Variants in CFAP73 observed in about 807,000 individuals in gnomAD.
CFAP73 encodes cilia and flagella associated protein 73, also known as cilia- and flagella-associated protein 73.
Under a neutral mutation model 42.9 loss-of-function variants are expected in CFAP73, and 33 were observed. The observed-to-expected ratio is 0.77, with a 90% CI of 0.58 to 1.03. The LOEUF is 1.03. Among genes scored for constraint, CFAP73 ranks in the 50% least tolerant of loss-of-function variants. CFAP73 has a pLI of 0.00. For synonymous variants in CFAP73, 162 were observed against 186.8 expected, an observed-to-expected ratio of 0.87 and a Z score of 1.08; for missense variants, 392 against 411.9, an observed-to-expected ratio of 0.95 and a Z score of 0.42.
chr12:113,154,487 AGCGCGAGCAGCTCGCGGAGCTGGAGGCG>A lies in CFAP73; in HGVS notation c.551_578del (p.Gln184ArgfsTer69). 1 of 1,538,328 alleles carries A rather than the reference AGCGCGAGCAGCTCGCGGAGCTGGAGGCG, an allele frequency of 6.5e-7. No individual in the cohort carries two copies. The highest frequency in any genetic ancestry group is 2.5e-5 in the East Asian group (1 of 39,720). ...ACGCAGGCGGCGCTGAGGCTCAGGG[AGCGCGAGCAGCTCGCGGAGCTGGAGGCG>A]GCGCGAGCGCGGCTGCAGCAGCTGC... On this transcript the variant is annotated frameshift_variant, in exon 5 of 8. Transcript: ENST00000335621. LOFTEE classifies it high-confidence loss of function. The surrounding 1 kb of genome is among the most constrained non-coding windows in gnomAD (Gnocchi z 4.7).
chr12:113,149,958 A>G, intron 1 of CFAP73, 45 bp downstream of exon 1: 1 of 1,532,770 alleles, frequency 6.5e-7, no homozygotes, highest in African/African-American at 1.4e-5. Context: ...GAGGGCGGGA[A>G]TGCGTGGGCT....
chr12:113,152,740 C>A, intron 2 of CFAP73, 43 bp from the exon 3 acceptor site: 1 of 1,414,682 alleles, frequency 7.1e-7, no homozygotes, highest in Non-Finnish European at 9.8e-7. Flanking sequence ...TGGGAGGACC[C>A]GGACCCCCGA....
chr12:113,155,251 G>A lies in CFAP73; in HGVS notation c.691-9G>A, dbSNP rs1216842826. On this transcript the variant is annotated splice_polypyrimidine_tract_variant and intron_variant, in intron 5 of 7. Transcript: ENST00000335621. ...TGCCATAATTGGGAGTGGGGCGGGT[G>A]TTCTCCAGGAATCCAAGTGGATTCA... 1 of 1,524,364 alleles carries A rather than the reference G, an allele frequency of 6.6e-7. No individual in the cohort carries two copies. The highest frequency in any genetic ancestry group is 2.0e-5 in the Admixed American group (1 of 49,964). The allele number at this position is 1,524,364 out of a possible 1,614,324, so 94.4% of individuals were successfully genotyped here. A position where few individuals can be genotyped will look rare whatever the true frequency, so the allele number is the denominator to read the frequency against.
At chr12:113,152,691 G>C (rs1375713267) in intron 2 of CFAP73, 92 bp from the exon 3 acceptor site, 3 of 878,232 alleles carry the variant, frequency 3.4e-6, no homozygotes, top group East Asian at 2.7e-5. Flanking sequence ...ACAGATCAGG[G>C]ACAACAGGTG....
In CFAP73 at chr12:113,158,930, C is replaced by T. The variant is rs201483723; in HGVS notation, c.*241C>T. On this transcript the variant is annotated 3_prime_UTR_variant, in exon 8 of 8. Coordinates refer to ENST00000335621, the MANE Select transcript of CFAP73 (RefSeq NM_001144872.3). This position sits in a 1 kb window ranked among gnomAD's most constrained non-coding sequence, Gnocchi z 4.9. ...TTGGAGCGGGCACCCCGGCCGAAGGCGCCCTGCTGCAGCTCCTGGACGCGG... is the reference window on the plus strand; with the variant it reads ...TTGGAGCGGGCACCCCGGCCGAAGGTGCCCTGCTGCAGCTCCTGGACGCGG... The T allele has an allele frequency of 2.5e-6, 4 of 1,609,722 alleles. No homozygotes were observed. Among genetic ancestry groups the T allele is most frequent in the East Asian group, 2.2e-5 (1 of 44,726 alleles).
chr12:113,157,160 C>T (rs1156886089), intron 6 of CFAP73: 1 of 158,576 alleles, frequency 6.3e-6, no homozygotes, highest in African/African-American at 2.4e-5. Context: ...GTTGTAAGTT[C>T]ACCCTCAAGT....
chr12:113,151,793 C>CA (rs377474143), intron 1 of CFAP73, 125 bp from the exon 2 acceptor site: 71,415 of 450,728 alleles, frequency 0.16, 39 homozygotes, highest in Middle Eastern at 0.18. Context: ...AAACAAGTCT[C>CA]AAAAAAAAAA....
rs1369464754 is a variant in CFAP73, at chr12:113,159,200, T to G, written c.*511T>G. The G allele has an allele frequency of 4.4e-6, 6 of 1,359,288 alleles. No individual in the cohort carries two copies. In the South Asian group the frequency reaches 5.4e-5, roughly 12 times the overall value. 84.2% of individuals were successfully genotyped at this position (1,359,288 alleles called of 1,614,324 possible). On this transcript the variant is annotated 3_prime_UTR_variant, in exon 8 of 8. Coordinates refer to ENST00000335621, the MANE Select transcript of CFAP73 (RefSeq NM_001144872.3). ...AGCTTGCAGACTCCTCCCCTGCCCC[T>G]ACTCCTGTTCTGTGCTTATTGCTGT... is the stretch of plus-strand genomic sequence containing the variant.
chr12:113,158,653 G>A lies in CFAP73; in HGVS notation c.*12-48G>A, dbSNP rs1185831061. ...TCTTGGCCTGCCTGGCTTTGCTGGC[G>A]AACTCCTGCACACCCTTCAAGGCCC... On this transcript the variant is annotated intron_variant, in intron 7 of 7. Transcript: ENST00000335621. The surrounding 1 kb of genome is among the most constrained non-coding windows in gnomAD (Gnocchi z 4.9). 8 of 511,124 alleles carry A rather than the reference G, an allele frequency of 1.6e-5. No homozygotes were observed. Among genetic ancestry groups the A allele is most frequent in the African/African-American group, 7.9e-5 (4 of 50,686 alleles). 31.7% of individuals were successfully genotyped at this position (511,124 alleles called of 1,614,324 possible).
chr12:113,155,511 G>C, intron 6 of CFAP73, 93 bp downstream of exon 6: 1 of 1,347,954 alleles, frequency 7.4e-7, no homozygotes, highest in Non-Finnish European at 1.0e-6. Flanking sequence ...CACCTTCTCT[G>C]GGTTAAGCAT....
In CFAP73 at chr12:113,155,302, A is replaced by G. The variant is rs1566088936; in HGVS notation, c.733A>G (p.Thr245Ala). 6.5e-7 allele frequency: 1 copy of G among 1,549,902 alleles called. No individual in the cohort carries two copies. Among genetic ancestry groups the G allele is most frequent in the Non-Finnish European group, 8.7e-7 (1 of 1,145,726 alleles). Reference protein sequence around the residue: ...IQIQNTAAEKTLLLGRSRMAV... With the variant: ...IQIQNTAAEKALLLGRSRMAV... The stretch of plus-strand genomic sequence containing the variant: ...GATTCAGAACACAGCAGCGGAGAAG[A>G]CTCTGCTCCTGGGACGCAGCAGGAT... Residue 245 changes from threonine (T) to alanine (A), a missense_variant, in exon 6 of 8, where the codon ACT becomes GCT. By Grantham distance (58) the Thr-to-Ala change is moderately conservative. Coordinates refer to ENST00000335621, the MANE Select transcript of CFAP73 (RefSeq NM_001144872.3).
chr12:113,157,732 G>T, intron 7 of CFAP73, 42 bp downstream of exon 7: 1 of 1,411,872 alleles, frequency 7.1e-7, no homozygotes, highest in South Asian at 1.2e-5. Context: ...CCCTGAGATA[G>T]GAGGGCCCAC....
chr12:113,157,233 A>T (rs1214297038), intron 6 of CFAP73: 1 of 224,136 alleles, frequency 4.5e-6, no homozygotes, highest in Non-Finnish European at 8.8e-6. Context: ...AGTTAATTAA[A>T]ACAAAAGGAG....
At position 113,152,783 on chromosome 12, in the gene CFAP73, G is replaced by A. The variant is rs1952075438; in HGVS notation, c.163G>A (p.Val55Met). ...ADQALQAQKE[V>M]FRTKTAALKQ... ...CAGACAACCCACTCCTCACCCCCAG[G>A]TGTTCCGCACCAAGACGGCAGCCCT... Residue 55 changes from valine (V) to methionine (M), a missense_variant and splice_region_variant, in exon 3 of 8, where the codon GTG becomes ATG. Transcript: ENST00000335621. The A allele has an allele frequency of 3.2e-6, 5 of 1,551,126 alleles. No homozygotes were observed. The highest frequency in any genetic ancestry group is 3.3e-4 in the Middle Eastern group (2 of 6,014).
chr12:113,155,295 G>C lies in CFAP73; in HGVS notation c.726G>C (p.Ala242=), dbSNP rs779437878. Residue 242 remains alanine (A), a synonymous_variant, in exon 6 of 8, where the codon GCG becomes GCC. Transcript: ENST00000335621. ...SKWIQIQNTA[A]EKTLLLGRSR... is the part of the protein sequence containing the mutation. ...GGATTCAGATTCAGAACACAGCAGCGGAGAAGACTCTGCTCCTGGGACGCA... is the reference window on the plus strand; with the variant it reads ...GGATTCAGATTCAGAACACAGCAGCCGAGAAGACTCTGCTCCTGGGACGCA... 1.3e-6 allele frequency: 2 copies of C among 1,549,792 alleles called. No homozygotes were observed. Among genetic ancestry groups the C allele is most frequent in the South Asian group, 2.4e-5 (2 of 83,922 alleles).
rs1468021852 is a variant in CFAP73 at position 113,154,628 on chromosome 12, T to C, written c.683T>C (p.Leu228Pro). Residue 228 changes from leucine (L) to proline (P), a missense_variant, in exon 5 of 8, where the codon CTG becomes CCG. Coordinates refer to ENST00000335621, the MANE Select transcript of CFAP73 (RefSeq NM_001144872.3). The surrounding 1 kb of genome is among the most constrained non-coding windows in gnomAD (Gnocchi z 4.7). The stretch of plus-strand genomic sequence containing the variant: ...CTGGAGGCTGCCAGGGAGCGTACGC[T>C]GCAGTGGGTACGACCCGCCCTAGGT... Reference protein sequence around the residue: ...ERLEAARERTLQWESKWIQIQ... With the variant: ...ERLEAARERTPQWESKWIQIQ... 2.8e-6 allele frequency: 4 copies of C among 1,406,158 alleles called. No individual in the cohort carries two copies. The highest frequency in any genetic ancestry group is 3.7e-6 in the Non-Finnish European group (4 of 1,091,472). The allele number at this position is 1,406,158 out of a possible 1,614,324, so 87.1% of individuals were successfully genotyped here.
At chr12:113,155,560 C>G (rs1306543054) in intron 6 of CFAP73, 142 bp downstream of exon 6, 2 of 918,878 alleles carry the variant, frequency 2.2e-6, no homozygotes, top group Non-Finnish European at 3.1e-6. Flanking sequence ...AGCCGTGGCT[C>G]GATTGTCGGG....
intron 4 of CFAP73, among the ~76,000 whole-genome samples, chr12:113,153,618 G>T (rs752226885): frequency 6.6e-6 from 1 of 152,164 alleles, no homozygotes; most frequent in Non-Finnish European, 1.5e-5. Flanking sequence ...TTTTGAGACA[G>T]TGTCTCGCTT....
chr12:113,151,992 A>C lies in CFAP73; in HGVS notation c.131A>C (p.Asp44Ala). ...RLLEKRQELV[D>A]ADQALQAQKE... is the part of the protein sequence containing the mutation. ...CTGGAGAAGAGGCAAGAGCTGGTAG[A>C]TGCAGACCAGGCCCTGCAGGCCCAG... The change falls in exon 2 of 8, where the codon GAT (aspartate) becomes GCT (alanine). Residue 44 changes from aspartate to alanine, a missense_variant. Asp to Ala is a moderately radical substitution (Grantham distance 126). Coordinates refer to ENST00000335621, the MANE Select transcript of CFAP73 (RefSeq NM_001144872.3). 1 of 1,551,562 alleles carries C rather than the reference A, an allele frequency of 6.4e-7. No individual in the cohort carries two copies. The highest frequency in any genetic ancestry group is 8.7e-7 in the Non-Finnish European group (1 of 1,146,928).
Sources: allele counts gnomAD v4.1 joint callset (sites outside exome capture counted in the v4.1 genomes callset), GRCh38; gene constraint gnomAD v4.1.1; non-coding constraint Gnocchi (gnomAD v3.1); transcripts MANE v1.5; gene names NCBI Gene and HGNC (gene_info 2026-07-23, HGNC 2026-07-21).